The following ARHGAP10 variants were observed in gnomAD, a reference collection of about 807,000 sequenced individuals.
ARHGAP10 encodes rho GTPase-activating protein 10.
ARHGAP10 carries 87 observed loss-of-function variants against 108.6 expected under a neutral mutation model. That is an observed-to-expected ratio of 0.80 (90% confidence interval 0.67 to 0.96). ARHGAP10 has a LOEUF of 0.96. Among genes scored for constraint, ARHGAP10 ranks in the 40% least tolerant of loss-of-function variants. The pLI is 0.00. For missense variants in ARHGAP10, 939 were observed against 954.5 expected (o/e 0.98, Z 0.21); for synonymous variants, 347 against 341.1 (o/e 1.02, Z -0.19).
At chr4:147,803,338 A>G (rs773246857) in intron 1 of ARHGAP10, among the ~76,000 whole-genome samples, 11 of 152,162 alleles carry the variant, frequency 7.2e-5, no homozygotes, top group Non-Finnish European at 1.2e-4. Context: ...ATTGATACAT[A>G]ACTGTACATG....
At chr4:147,982,546 CTTTT>C (rs753773443) in intron 18 of ARHGAP10, among the ~76,000 whole-genome samples, 2 of 66,270 alleles carry the variant, frequency 3.0e-5, no homozygotes, top group African/African-American at 7.1e-5. Flanking sequence ...CCAGCTAAAT[CTTTT>C]TTTTTTTTTT....
chr4:147,928,304 G>T (rs1407339885), intron 13 of ARHGAP10, among the ~76,000 whole-genome samples: 1 of 152,148 alleles, frequency 6.6e-6, no homozygotes, highest in Admixed American at 6.6e-5. Context: ...TCCTGGGATG[G>T]GACAGTAGTG....
intron 10 of ARHGAP10, among the ~76,000 whole-genome samples, chr4:147,901,906 C>T (rs746098197): frequency 1.3e-5 from 2 of 152,092 alleles, no homozygotes; most frequent in Non-Finnish European, 2.9e-5. Context: ...CAGTGGAAAA[C>T]TTTAGGGGAA....
At chr4:147,804,394 G>C (rs1480619408) in intron 1 of ARHGAP10, among the ~76,000 whole-genome samples, 1 of 152,082 alleles carries the variant, frequency 6.6e-6, no homozygotes, top group Non-Finnish European at 1.5e-5. Context: ...TCTTTATCCA[G>C]TCTACTGTTG....
At chr4:147,748,846 C>A (rs914037034) in intron 1 of ARHGAP10, among the ~76,000 whole-genome samples, 1 of 152,028 alleles carries the variant, frequency 6.6e-6, no homozygotes, top group Admixed American at 6.6e-5. Context: ...GTAGTCCTAG[C>A]TACTTGGGAG....
At chr4:147,898,476 C>T (rs1307219406) in intron 10 of ARHGAP10, among the ~76,000 whole-genome samples, 1 of 150,646 alleles carries the variant, frequency 6.6e-6, no homozygotes, top group East Asian at 1.9e-4. Context: ...TTTTGCCTTG[C>T]CCAGGGTTCC....
chr4:147,783,004 A>C (rs1730611584), intron 1 of ARHGAP10, among the ~76,000 whole-genome samples: 2 of 141,804 alleles, frequency 1.4e-5, no homozygotes, highest in Admixed American at 7.4e-5. Context: ...ATATTATATA[A>C]ATTATATACT....
intron 19 of ARHGAP10, among the ~76,000 whole-genome samples, chr4:148,030,102 T>A (rs886925870): frequency 4.6e-5 from 7 of 151,716 alleles, no homozygotes; most frequent in African/African-American, 1.7e-4. Context: ...CATTTCCCCC[T>A]TTCTGTGGAG....
chr4:147,860,476 A>G (rs919628214), intron 5 of ARHGAP10, among the ~76,000 whole-genome samples: 14 of 152,122 alleles, frequency 9.2e-5, no homozygotes, highest in African/African-American at 3.4e-4. Flanking sequence ...AAAAAAAACC[A>G]GGAGAAAATT....
chr4:147,799,184 A>C (rs1322043137), intron 1 of ARHGAP10, among the ~76,000 whole-genome samples: 1 of 151,720 alleles, frequency 6.6e-6, no homozygotes, highest in Non-Finnish European at 1.5e-5. Flanking sequence ...ACAGGCATGC[A>C]TCAGTATGCC....
chr4:147,953,066 T>C (rs987937441), intron 15 of ARHGAP10, among the ~76,000 whole-genome samples: 1 of 151,996 alleles, frequency 6.6e-6, no homozygotes, highest in Non-Finnish European at 1.5e-5. Flanking sequence ...TTTGGTGAAG[T>C]ACATTGATTT....
chr4:148,023,132 A>G, intron 18 of ARHGAP10, 131 bp from the exon 19 acceptor site: 1 of 928,524 alleles, frequency 1.1e-6, no homozygotes, highest in Non-Finnish European at 1.5e-6. Flanking sequence ...CTTCATTGGA[A>G]GGAATGGATT....
chr4:147,974,463 A>G (rs1739521245), intron 18 of ARHGAP10, among the ~76,000 whole-genome samples: 1 of 152,156 alleles, frequency 6.6e-6, no homozygotes, highest in Non-Finnish European at 1.5e-5. Flanking sequence ...TTCTTTTAAT[A>G]TCTGTCTTAA....
At chr4:148,067,768 T>C (rs1189880361) in intron 22 of ARHGAP10, among the ~76,000 whole-genome samples, 2 of 152,012 alleles carry the variant, frequency 1.3e-5, no homozygotes, top group Non-Finnish European at 2.9e-5. Context: ...TAGTTATGCG[T>C]TTGGGATGTG....
chr4:147,919,628 A>G (rs968834038), intron 13 of ARHGAP10, among the ~76,000 whole-genome samples: 4 of 151,738 alleles, frequency 2.6e-5, no homozygotes, highest in African/African-American at 9.7e-5. Context: ...ACTAGAGTGC[A>G]GTGGCATGAT....
intron 10 of ARHGAP10, among the ~76,000 whole-genome samples, chr4:147,892,464 A>G (rs1405756802): frequency 6.6e-6 from 1 of 152,236 alleles, no homozygotes; most frequent in Non-Finnish European, 1.5e-5. Context: ...GGATACAGCA[A>G]TAAACTAGAA....
intron 3 of ARHGAP10, among the ~76,000 whole-genome samples, chr4:147,843,586 G>A (rs1733505758): frequency 6.6e-6 from 1 of 152,122 alleles, no homozygotes; most frequent in Non-Finnish European, 1.5e-5. Flanking sequence ...GAGTGCAGTG[G>A]CACGATCTCA....
intron 19 of ARHGAP10, among the ~76,000 whole-genome samples, chr4:148,028,870 A>G (rs1312621788): frequency 6.6e-6 from 1 of 152,224 alleles, no homozygotes; most frequent in Non-Finnish European, 1.5e-5. Context: ...ATCAAGGCAG[A>G]TAAAGTGGAC....
Position 147,875,052 on chromosome 4 carries a change from A to T in ARHGAP10, c.734A>T (p.Glu245Val). The change falls in exon 8 of 23, where the codon GAA becomes GTA. Residue 245 changes from glutamate to valine, a missense_variant. Coordinates refer to ENST00000336498, the MANE Select transcript of ARHGAP10 (RefSeq NM_024605.4). ...TRNRFEGTRS[E>V]VEELMNKIRQ... ...AATCGATTTGAAGGAACAAGGTCAG[A>T]AGTGGAAGAGCTCATGAACAAAATC... 6.2e-7 allele frequency: 1 copy of T among 1,606,652 alleles called. No homozygotes were observed. The highest frequency in any genetic ancestry group is 8.5e-7 in the Non-Finnish European group (1 of 1,178,308).
Sources: gnomAD v4.1 joint callset for allele counts (sites outside exome capture counted in the v4.1 genomes callset) on GRCh38, gnomAD v4.1.1 for gene constraint, MANE v1.5 for transcripts, NCBI Gene and HGNC (gene_info 2026-07-23, HGNC 2026-07-21) for gene names.